Variants in CNTNAP5 observed in about 807,000 individuals in gnomAD.
CNTNAP5 encodes the protein contactin-associated protein-like 5.
A neutral mutation model predicts 150.2 loss-of-function variants in CNTNAP5; 72 were observed. The ratio of observed to expected loss-of-function variants is 0.48; its 90% CI spans 0.40 to 0.58. CNTNAP5 has a LOEUF of 0.58. Ranked by LOEUF, CNTNAP5 falls within the 20% of genes least tolerant of loss-of-function variation. CNTNAP5 has a pLI of 0.00. For synonymous variants in CNTNAP5, 672 were observed against 619.8 expected, an observed-to-expected ratio of 1.08 and a Z score of -1.25; for missense variants, 1,636 against 1,626.2, an observed-to-expected ratio of 1.01 and a Z score of -0.10.
chr2:124,852,937 T>C (rs1031503244), intron 19 of CNTNAP5, among the ~76,000 whole-genome samples: 4 of 152,212 alleles, frequency 2.6e-5, no homozygotes, highest in Non-Finnish European at 5.9e-5. Context: ...GGTGCCATTA[T>C]GTGAGGTGGT....
intron 1 of CNTNAP5, among the ~76,000 whole-genome samples, chr2:124,110,169 A>G (rs1050460806): frequency 3.3e-5 from 5 of 152,248 alleles, no homozygotes; most frequent in African/African-American, 1.2e-4. Flanking sequence ...CTGTGAGCTC[A>G]GTGGAAGCCT....
chr2:124,043,516 T>C (rs951413527), intron 1 of CNTNAP5, among the ~76,000 whole-genome samples: 5 of 152,222 alleles, frequency 3.3e-5, no homozygotes, highest in African/African-American at 1.2e-4. Context: ...TTTTATATCT[T>C]CTTTTACTTA....
At chr2:124,828,735 CAAAAAAAAAAAAA>C (rs60339676) in intron 19 of CNTNAP5, among the ~76,000 whole-genome samples, 48 of 23,108 alleles carry the variant, frequency 2.1e-3, no homozygotes, top group East Asian at 5.8e-3. Flanking sequence ...CAAGTGTTGG[CAAAAAAAAAAAAA>C]AAAAAAAAAA....
At chr2:124,706,583 T>C (rs144620747) in intron 13 of CNTNAP5, among the ~76,000 whole-genome samples, 2 of 151,530 alleles carry the variant, frequency 1.3e-5, no homozygotes, top group Non-Finnish European at 2.9e-5. Flanking sequence ...CCCATCTCTA[T>C]AAAATATACA....
chr2:124,868,511 C>T (rs568001782), intron 20 of CNTNAP5, among the ~76,000 whole-genome samples: 4 of 152,248 alleles, frequency 2.6e-5, no homozygotes, highest in Admixed American at 6.5e-5. Flanking sequence ...CTCATTGAGG[C>T]CATCTCTGAT....
At chr2:124,759,485 A>C (rs1680912930) in intron 14 of CNTNAP5, among the ~76,000 whole-genome samples, 1 of 146,436 alleles carries the variant, frequency 6.8e-6, no homozygotes, top group African/African-American at 2.6e-5. Context: ...TCTACAAATT[A>C]TGACTCCCAA....
At chr2:124,333,254 G>A (rs191859390) in intron 3 of CNTNAP5, among the ~76,000 whole-genome samples, 3 of 152,142 alleles carry the variant, frequency 2.0e-5, no homozygotes, top group Admixed American at 6.6e-5. Flanking sequence ...CGGCAACAAA[G>A]CAAGACCCTG....
chr2:124,763,845 A>G (rs771202630), intron 15 of CNTNAP5, 46 bp downstream of exon 15: 58 of 1,610,954 alleles, frequency 3.6e-5, no homozygotes, highest in Non-Finnish European at 4.8e-5. Context: ...TTACATGAGC[A>G]CAAGATGTTC....
chr2:124,260,265 G>A (rs1687419656), intron 3 of CNTNAP5, among the ~76,000 whole-genome samples: 2 of 152,196 alleles, frequency 1.3e-5, no homozygotes, highest in South Asian at 2.1e-4. Flanking sequence ...TAGAAATGGG[G>A]AAAGGATTCC....
At chr2:124,438,938 A>G (rs1692607956) in intron 5 of CNTNAP5, among the ~76,000 whole-genome samples, 1 of 152,224 alleles carries the variant, frequency 6.6e-6, no homozygotes, top group Non-Finnish European at 1.5e-5. Flanking sequence ...TCAGTGGCTC[A>G]AGGTCACATA....
intron 6 of CNTNAP5, among the ~76,000 whole-genome samples, chr2:124,460,162 G>A (rs1181657942): frequency 6.6e-6 from 1 of 152,170 alleles, no homozygotes; most frequent in East Asian, 1.9e-4. Flanking sequence ...AAAAACAGAA[G>A]AGAACATATA....
At chr2:124,371,071 G>T (rs1690513747) in intron 3 of CNTNAP5, among the ~76,000 whole-genome samples, 1 of 152,226 alleles carries the variant, frequency 6.6e-6, no homozygotes, top group East Asian at 1.9e-4. Context: ...AGATAAGGAT[G>T]CTACTGTCCT....
chr2:124,098,336 G>C (rs550217662), intron 1 of CNTNAP5, among the ~76,000 whole-genome samples: 7 of 152,238 alleles, frequency 4.6e-5, no homozygotes, highest in African/African-American at 1.7e-4. Flanking sequence ...AAGGAAGAGG[G>C]GGGAATTGGT....
chr2:124,718,361 T>A (rs1679986113), intron 13 of CNTNAP5, among the ~76,000 whole-genome samples: 1 of 152,142 alleles, frequency 6.6e-6, no homozygotes, highest in Non-Finnish European at 1.5e-5. Context: ...GTGTAAAAAC[T>A]CAATCCAACA....
At chr2:124,818,490 C>G (rs1217218045) in intron 19 of CNTNAP5, among the ~76,000 whole-genome samples, 1 of 152,258 alleles carries the variant, frequency 6.6e-6, no homozygotes, top group East Asian at 1.9e-4. Flanking sequence ...TACAATTGCA[C>G]TACTGCACTC....
chr2:124,909,196 C>T lies in CNTNAP5; in HGVS notation c.3656-2271C>T, dbSNP rs1678603413. 2.0e-5 allele frequency among the ~76,000 whole-genome samples: 3 copies of T among 152,126 alleles called. No homozygotes were observed. The South Asian group carries it at 6.2e-4, about 31-fold the overall frequency. ...GCAGGCTCCATTCATGATAAGTGCC[C>T]TGTGCAGGTGTAGCATTTATTTAAA... On this transcript the variant is annotated intron_variant, in intron 22 of 23. Coordinates refer to ENST00000682447, the MANE Select transcript of CNTNAP5 (RefSeq NM_001367498.1).
At position 124,510,518 on chromosome 2, in the gene CNTNAP5, T is replaced by TACACACACAC. The variant is rs1553474715; in HGVS notation, c.1327+5965_1327+5966insCACACACACA. Among the ~76,000 whole-genome samples the TACACACACAC allele has an allele frequency of 1.5e-3, 193 of 124,884 alleles. 2 individuals carry two copies. Among genetic ancestry groups the TACACACACAC allele is most frequent in the South Asian group, 4.7e-3 (18 of 3,862 alleles). The allele number at this position is 124,884 out of a possible 152,430, so 81.9% of individuals were successfully genotyped here. A position where few individuals can be genotyped will look rare whatever the true frequency, so the allele number is the denominator to read the frequency against. On this transcript the variant is annotated intron_variant, in intron 8 of 23. Coordinates refer to ENST00000682447, the MANE Select transcript of CNTNAP5 (RefSeq NM_001367498.1). The stretch of plus-strand genomic sequence containing the variant: ...ATATATATATATATATATATATATA[T>TACACACACAC]ACATATATCTCCATATATCAACACA...
At chr2:124,687,676 A>T (rs1289557266) in intron 13 of CNTNAP5, among the ~76,000 whole-genome samples, 3 of 152,018 alleles carry the variant, frequency 2.0e-5, no homozygotes, top group South Asian at 4.1e-4. Context: ...AAGTAGAGAG[A>T]TCTGATTGAA....
rs1414587028 is a variant in CNTNAP5, at chr2:124,598,472, G to A, written c.1757-11329G>A. On this transcript the variant is annotated intron_variant, in intron 11 of 23. Transcript: ENST00000682447. ...AGGCTGCTCGGGGGTCAGGGGTCAG[G>A]GACCCACTTGAGGAGGCAGTCTGCC... is the stretch of plus-strand genomic sequence containing the variant. Among the ~76,000 whole-genome samples, 8 of 142,218 alleles carry A rather than the reference G, an allele frequency of 5.6e-5. No homozygotes were observed. The South Asian group carries it at 1.7e-3, about 30-fold the overall frequency. The allele number at this position is 142,218 out of a possible 152,430, so 93.3% of individuals were successfully genotyped here. A position where few individuals can be genotyped will look rare whatever the true frequency, so the allele number is the denominator to read the frequency against.
Sources: allele counts gnomAD v4.1 joint callset (sites outside exome capture counted in the v4.1 genomes callset), GRCh38; gene constraint gnomAD v4.1.1; transcripts MANE v1.5; gene names NCBI Gene and HGNC (gene_info 2026-07-23, HGNC 2026-07-21).